The following SHISA9 variants were observed in gnomAD, a reference collection of about 807,000 sequenced individuals.
SHISA9 encodes shisa family member 9.
SHISA9 carries 13 observed loss-of-function variants against 38.0 expected under a neutral mutation model. The observed-to-expected ratio is 0.34, with a 90% CI of 0.22 to 0.54. The LOEUF is 0.54. Among genes scored for constraint, SHISA9 ranks in the 20% least tolerant of loss-of-function variants. The pLI is 0.91. For missense variants in SHISA9, 538 were observed against 575.8 expected, an observed-to-expected ratio of 0.93 and a Z score of 0.67; for synonymous variants, 275 against 242.0, an observed-to-expected ratio of 1.14 and a Z score of -1.27.
At chr16:13,401,412 T>C in the SHISA9 span, among the ~76,000 whole-genome samples, 4 of 152,320 alleles carry the variant, frequency 2.6e-5, no homozygotes, top group African/African-American at 9.6e-5. Context: ...CCCACGCATA[T>C]TACTTTCATT....
the SHISA9 span, among the ~76,000 whole-genome samples, chr16:13,309,726 G>A: frequency 6.6e-6 from 1 of 151,570 alleles, no homozygotes; most frequent in Admixed American, 6.6e-5. Flanking sequence ...TATGATTTGT[G>A]AGGTGCTGTT....
the SHISA9 span, among the ~76,000 whole-genome samples, chr16:13,530,677 C>A: frequency 6.6e-6 from 1 of 152,050 alleles, no homozygotes; most frequent in Non-Finnish European, 1.5e-5. Context: ...TTTTTGCCCC[C>A]CCAGAACCAC....
intron 2 of SHISA9, among the ~76,000 whole-genome samples, chr16:12,946,537 G>T (rs2071690486): frequency 6.6e-6 from 1 of 152,296 alleles, no homozygotes; most frequent in East Asian, 1.9e-4. Context: ...AGATAGTCTT[G>T]GTTGGAGACA....
At chr16:13,323,620 G>T in the SHISA9 span, among the ~76,000 whole-genome samples, 7 of 152,252 alleles carry the variant, frequency 4.6e-5, no homozygotes, top group East Asian at 1.4e-3. Flanking sequence ...AGTTCCGCAC[G>T]CCTGGGGAGG....
At chr16:13,418,561 C>T in the SHISA9 span, among the ~76,000 whole-genome samples, 3 of 152,156 alleles carry the variant, frequency 2.0e-5, no homozygotes, top group Non-Finnish European at 4.4e-5. Flanking sequence ...GGACTTCCCC[C>T]CAGTATGGCG....
chr16:13,235,133 C>A lies in SHISA9; in HGVS notation c.999C>A (p.Pro333=). The change falls in exon 5 of 5, where the codon CCC becomes CCA. Residue 333 remains proline (P), a synonymous_variant. Coordinates refer to ENST00000558583, the MANE Select transcript of SHISA9 (RefSeq NM_001145204.3). ...ACCCCGTAAGAGTGGAGGACGAGCC[C>A]CGGGCCTTCAGCCCTGAGCACGGTC... ...PLHPVRVEDE[P]RAFSPEHGPA... 1 of 1,551,746 alleles carries A rather than the reference C, an allele frequency of 6.4e-7. No individual in the cohort carries two copies. The highest frequency in any genetic ancestry group is 8.7e-7 in the Non-Finnish European group (1 of 1,147,004).
At chr16:13,252,155 A>C in the SHISA9 span, among the ~76,000 whole-genome samples, 1 of 152,092 alleles carries the variant, frequency 6.6e-6, no homozygotes, top group Admixed American at 6.6e-5. Flanking sequence ...CTGGCCTCCA[A>C]ATGCCTCTCT....
intron 2 of SHISA9, among the ~76,000 whole-genome samples, chr16:13,095,813 C>T (rs982537879): frequency 6.6e-6 from 1 of 152,214 alleles, no homozygotes; most frequent in Non-Finnish European, 1.5e-5. Flanking sequence ...TCAACTCTAG[C>T]GCAATGGCTC....
the SHISA9 span, among the ~76,000 whole-genome samples, chr16:13,348,059 AATAAT>A: frequency 6.6e-6 from 1 of 152,162 alleles, no homozygotes; most frequent in African/African-American, 2.4e-5. Flanking sequence ...ATAACTATAA[AATAAT>A]ATATTTGTGT....
At chr16:13,161,376 C>T (rs975807999) in intron 2 of SHISA9, among the ~76,000 whole-genome samples, 3 of 152,180 alleles carry the variant, frequency 2.0e-5, no homozygotes, top group African/African-American at 4.8e-5. Context: ...GACCCTAACA[C>T]GTCCTCACTC....
intron 2 of SHISA9, among the ~76,000 whole-genome samples, chr16:12,936,988 A>G (rs1042615424): frequency 1.6e-4 from 24 of 152,152 alleles, no homozygotes; most frequent in African/African-American, 5.8e-4. Context: ...TAAGATCACT[A>G]TTGTAACCTG....
intron 4 of SHISA9, among the ~76,000 whole-genome samples, chr16:13,233,767 T>C (rs938631218): frequency 6.6e-6 from 1 of 152,176 alleles, no homozygotes; most frequent in South Asian, 2.1e-4. Context: ...CCCAAGCACT[T>C]TGGGAGGCCA....
At chr16:13,470,580 C>T in the SHISA9 span, among the ~76,000 whole-genome samples, 8 of 152,068 alleles carry the variant, frequency 5.3e-5, no homozygotes, top group African/African-American at 7.2e-5. Context: ...TTCACTACCA[C>T]GAGAAGAAAA....
At position 12,992,778 on chromosome 16, in the gene SHISA9, G is replaced by A. The variant is rs74012225; in HGVS notation, c.691+75963G>A. On this transcript the variant is annotated intron_variant, in intron 2 of 4. Transcript: ENST00000558583. ...TTGCTTTCGGAAAATGACAAGCGGT[G>A]TCTTGCATGTTTCAAAGGGCATGCA... Among the ~76,000 whole-genome samples the A allele has an allele frequency of 1.1e-3, 167 of 152,286 alleles. 1 individual carries two copies. Among genetic ancestry groups the A allele is most frequent in the African/African-American group, 3.9e-3 (161 of 41,548 alleles).
At chr16:13,188,004 A>G (rs935531561) in intron 2 of SHISA9, among the ~76,000 whole-genome samples, 1 of 152,160 alleles carries the variant, frequency 6.6e-6, no homozygotes, top group African/African-American at 2.4e-5. Context: ...CCGTGGGGGA[A>G]GTGTGCTGTG....
chr16:13,462,167 A>G, the SHISA9 span, among the ~76,000 whole-genome samples: 1 of 151,760 alleles, frequency 6.6e-6, no homozygotes, highest in Non-Finnish European at 1.5e-5. Context: ...GCTACTCAAG[A>G]GCCTGAGGTG....
the SHISA9 span, among the ~76,000 whole-genome samples, chr16:13,456,227 C>T: frequency 6.6e-6 from 1 of 152,168 alleles, no homozygotes; most frequent in African/African-American, 2.4e-5. Flanking sequence ...TTTCTCATCT[C>T]ATCCTTCTAA....
chr16:13,379,101 T>C, the SHISA9 span, among the ~76,000 whole-genome samples: 1 of 152,154 alleles, frequency 6.6e-6, no homozygotes, highest in South Asian at 2.1e-4. Flanking sequence ...GATACCTCCA[T>C]CCTTACTCTC....
intron 2 of SHISA9, among the ~76,000 whole-genome samples, chr16:12,940,335 T>C (rs1394446016): frequency 1.3e-5 from 2 of 152,212 alleles, no homozygotes; most frequent in African/African-American, 4.8e-5. Flanking sequence ...CCAGCTTGTC[T>C]GAATATGCCT....
Sources: allele counts gnomAD v4.1 joint callset (sites outside exome capture counted in the v4.1 genomes callset), GRCh38; gene constraint gnomAD v4.1.1; transcripts MANE v1.5; gene names NCBI Gene and HGNC (gene_info 2026-07-23, HGNC 2026-07-21).